SLC35D4: variants seen among roughly 807,000 people sequenced by gnomAD.
SLC35D4 encodes UDP-N-acetylglucosamine transporter SLC35D4.
chr18:23,342,011 A>G, the SLC35D4 span, among the ~76,000 whole-genome samples: 2 of 152,210 alleles, frequency 1.3e-5, no homozygotes, highest in African/African-American at 4.8e-5. Flanking sequence ...AAAATGTCCT[A>G]AATCCTAAAG....
At chr18:23,420,747 A>G in the SLC35D4 span, among the ~76,000 whole-genome samples, 1 of 152,224 alleles carries the variant, frequency 6.6e-6, no homozygotes, top group Non-Finnish European at 1.5e-5. Flanking sequence ...ATCATATCCT[A>G]TGATCTAAAA....
At chr18:23,246,958 G>A in the SLC35D4 span, among the ~76,000 whole-genome samples, 1 of 152,238 alleles carries the variant, frequency 6.6e-6, no homozygotes, top group South Asian at 2.1e-4. Flanking sequence ...CTCCTAAAGT[G>A]CTGGGGTTAC....
At chr18:23,377,431 G>A in the SLC35D4 span, among the ~76,000 whole-genome samples, 1 of 152,136 alleles carries the variant, frequency 6.6e-6, no homozygotes, top group African/African-American at 2.4e-5. Flanking sequence ...AGCACAGGTT[G>A]GTTCTGGTGT....
the SLC35D4 span, among the ~76,000 whole-genome samples, chr18:23,250,893 G>C: frequency 2.0e-5 from 3 of 152,228 alleles, no homozygotes; most frequent in African/African-American, 7.2e-5. Context: ...CACCAGAGAA[G>C]CAAAGAGAGG....
the SLC35D4 span, among the ~76,000 whole-genome samples, chr18:23,292,929 G>A: frequency 1.3e-5 from 2 of 152,174 alleles, no homozygotes; most frequent in African/African-American, 2.4e-5. Context: ...TGGGCCCAGT[G>A]TAGATGAACT....
chr18:23,369,864 C>T, the SLC35D4 span, among the ~76,000 whole-genome samples: 1 of 152,158 alleles, frequency 6.6e-6, no homozygotes, highest in Non-Finnish European at 1.5e-5. Context: ...TCCTTTAACC[C>T]AACCACAGCT....
chr18:23,335,828 G>A, the SLC35D4 span, among the ~76,000 whole-genome samples: 5 of 152,198 alleles, frequency 3.3e-5, no homozygotes, highest in East Asian at 9.7e-4. Flanking sequence ...TTGCAAAAAC[G>A]ACTTTCATTT....
chr18:23,336,281 C>A, the SLC35D4 span, among the ~76,000 whole-genome samples: 1 of 152,288 alleles, frequency 6.6e-6, no homozygotes, highest in Middle Eastern at 3.4e-3. Context: ...TGTTTCCATG[C>A]GAATGGCAGC....
chr18:23,299,553 C>T, the SLC35D4 span, among the ~76,000 whole-genome samples: 3 of 152,242 alleles, frequency 2.0e-5, no homozygotes, highest in Admixed American at 2.0e-4. Context: ...TCCTTCCCCA[C>T]GCTGACCCAG....
At chr18:23,400,361 G>A in the SLC35D4 span, among the ~76,000 whole-genome samples, 1 of 152,118 alleles carries the variant, frequency 6.6e-6, no homozygotes, top group Non-Finnish European at 1.5e-5. Flanking sequence ...TGGTGGCTCA[G>A]GCCTGTAATC....
At chr18:23,253,437 C>T in the SLC35D4 span, among the ~76,000 whole-genome samples, 14 of 152,152 alleles carry the variant, frequency 9.2e-5, no homozygotes, top group African/African-American at 1.9e-4. Context: ...GAGCCAAGAT[C>T]GTGCCACTGC....
the SLC35D4 span, chr18:23,296,698 A>G: frequency 6.6e-6 from 1 of 152,208 alleles, no homozygotes; most frequent in Non-Finnish European, 1.5e-5. Flanking sequence ...TCAGGGAATG[A>G]AAGGGATTAA....
At chr18:23,335,091 G>GA in the SLC35D4 span, among the ~76,000 whole-genome samples, 2 of 151,914 alleles carry the variant, frequency 1.3e-5, no homozygotes, top group South Asian at 2.1e-4. Context: ...TTTTAAGCAG[G>GA]AAAAAAATGG....
chr18:23,391,896 G>GAT, the SLC35D4 span, among the ~76,000 whole-genome samples: 3 of 151,718 alleles, frequency 2.0e-5, no homozygotes, highest in African/African-American at 7.3e-5. Flanking sequence ...AAATCTCTCT[G>GAT]TGACATCATC....
chr18:23,244,183 C>T, the SLC35D4 span, among the ~76,000 whole-genome samples: 15 of 152,178 alleles, frequency 9.9e-5, no homozygotes, highest in Non-Finnish European at 1.6e-4. Flanking sequence ...GGCCAGTCAC[C>T]TGGTGTCATC....
the SLC35D4 span, among the ~76,000 whole-genome samples, chr18:23,380,447 C>T: frequency 6.6e-6 from 1 of 152,094 alleles, no homozygotes; most frequent in African/African-American, 2.4e-5. Context: ...TCCCATCCTG[C>T]CTGACTCAGC....
chr18:23,364,923 A>G, the SLC35D4 span, among the ~76,000 whole-genome samples: 11 of 1,844 alleles, frequency 6.0e-3, 1 homozygote, highest in South Asian at 0.18. Context: ...AAAAAAAAAA[A>G]AAAAAAAAAA....
the SLC35D4 span, among the ~76,000 whole-genome samples, chr18:23,434,510 G>A: frequency 6.6e-6 from 1 of 152,108 alleles, no homozygotes; most frequent in Non-Finnish European, 1.5e-5. Context: ...TTGTTGGCTG[G>A]GCACAGTGGC....
the SLC35D4 span, chr18:23,430,549 G>C: frequency 1.7e-6 from 2 of 1,173,620 alleles, no homozygotes; most frequent in African/African-American, 3.1e-5. Context: ...AAAAATCTAT[G>C]CAGTTATTAA....
Sources: allele counts gnomAD v4.1 joint callset (sites outside exome capture counted in the v4.1 genomes callset), GRCh38; gene constraint gnomAD v4.1.1; transcripts MANE v1.5; gene names NCBI Gene and HGNC (gene_info 2026-07-23, HGNC 2026-07-21).